ANKRD26: variants seen among roughly 807,000 people sequenced by gnomAD.
ANKRD26 encodes the protein ankyrin repeat domain-containing protein 26.
ANKRD26 carries 141 observed loss-of-function variants against 208.7 expected under a neutral mutation model. The ratio of observed to expected loss-of-function variants is 0.68; its 90% CI spans 0.59 to 0.78. ANKRD26 has a LOEUF of 0.78. ANKRD26 is among the 30% of genes least tolerant of loss of function. The probability of loss-of-function intolerance (pLI) is 0.00; values close to 1 mark genes in which losing one functional copy is unlikely to be tolerated. For missense variants in ANKRD26, 1,889 were observed against 1,938.7 expected (o/e 0.97, Z 0.48); for synonymous variants, 636 against 660.4 (o/e 0.96, Z 0.57).
At chr10:27,000,144 T>C (rs182139149), downstream of ANKRD26, among the ~76,000 whole-genome samples, 167 of 152,234 alleles carry the variant, frequency 1.1e-3, 4 homozygotes, top group East Asian at 0.027. Flanking sequence ...GATCTTACAA[T>C]TGCTTTGTGA....
At chr10:27,053,128 A>G (rs2054719001) in intron 16 of ANKRD26, among the ~76,000 whole-genome samples, 192 bp downstream of exon 16, 2 of 152,188 alleles carry the variant, frequency 1.3e-5, no homozygotes, top group South Asian at 4.1e-4. Flanking sequence ...AACAAAAACA[A>G]AAGATTAGCT....
intron 3 of ANKRD26, among the ~76,000 whole-genome samples, chr10:26,986,865 A>C (rs1276653483): frequency 1.3e-5 from 2 of 152,252 alleles, no homozygotes; most frequent in Non-Finnish European, 2.9e-5. Context: ...TGTGGAAGTC[A>C]ATGTGGCAAT....
chr10:27,041,725 T>C (rs1037057866), intron 20 of ANKRD26, among the ~76,000 whole-genome samples: 5 of 151,756 alleles, frequency 3.3e-5, no homozygotes, highest in African/African-American at 1.2e-4. Flanking sequence ...GAGACATCAA[T>C]GAACTACGGA....
chr10:26,987,347 G>A (rs551335668), downstream of ANKRD26, among the ~76,000 whole-genome samples: 5 of 152,280 alleles, frequency 3.3e-5, no homozygotes, highest in African/African-American at 1.2e-4. Context: ...CAGTTAATGG[G>A]TGCAGCACAC....
rs1396818728 is a variant in ANKRD26, at chr10:27,012,947, T to G, written c.4888A>C (p.Asn1630His). ...DLNRKLIPRE[N>H]LVISTSNPRA... ...GGATTTGAGGTAGAGATCACTAAGT[T>G]TTCTCTTGGAATAAGTTTTCTGTTG... The change falls in exon 32 of 34, where the codon AAC becomes CAC. Residue 1630 changes from asparagine (N) to histidine (H), a missense_variant. Asn to His is a moderately conservative substitution (Grantham distance 68, BLOSUM62 1). Transcript: ENST00000376087. The G allele has an allele frequency of 6.2e-7, 1 of 1,614,102 alleles. No homozygotes were observed. The highest frequency in any genetic ancestry group is 1.1e-5 in the South Asian group (1 of 91,082).
chr10:27,059,796 G>C (rs2054982964), intron 15 of ANKRD26, among the ~76,000 whole-genome samples: 1 of 151,884 alleles, frequency 6.6e-6, no homozygotes, highest in South Asian at 2.1e-4. Flanking sequence ...CGGGGAGCTT[G>C]AGGCAGGAGA....
chr10:27,007,063 A>T, intron 32 of ANKRD26, 101 bp from the exon 33 acceptor site: 1 of 774,464 alleles, frequency 1.3e-6, no homozygotes, highest in Non-Finnish European at 2.3e-6. Flanking sequence ...AATACTCTTA[A>T]AGACTACACT....
At chr10:27,024,678 TAAACCTA>T in intron 27 of ANKRD26, 119 bp from the exon 28 acceptor site, 1 of 556,634 alleles carries the variant, frequency 1.8e-6, no homozygotes, top group Non-Finnish European at 3.2e-6. Flanking sequence ...ATGCAGTTTA[TAAACCTA>T]ATGGCAATAA....
intron 6 of ANKRD26, among the ~76,000 whole-genome samples, chr10:27,082,041 C>T (rs1255664653): frequency 8.5e-6 from 1 of 117,010 alleles, no homozygotes; most frequent in Non-Finnish European, 1.7e-5. Flanking sequence ...CAGCCCTATG[C>T]AGTTATTTAA....
chr10:27,043,944 C>A (rs949813668), intron 19 of ANKRD26, among the ~76,000 whole-genome samples: 15 of 152,008 alleles, frequency 9.9e-5, no homozygotes, highest in South Asian at 6.2e-4. Context: ...GGCATGCTCA[C>A]CACGCCTGGT....
chr10:27,046,436 A>G lies in ANKRD26; in HGVS notation c.1902T>C (p.Phe634=). ...TSKESVNSPV[F]GKASLLTGGL... ...CACCAGTTAGTAAACTGGCCTTCCC[A>G]AACACTGGTGAATTCACAGATTCTT... The change falls in exon 18 of 34, where the codon TTT becomes TTC. Residue 634 remains phenylalanine, a synonymous_variant. Transcript: ENST00000376087. 6.2e-7 allele frequency: 1 copy of G among 1,614,130 alleles called. No individual in the cohort carries two copies. The highest frequency in any genetic ancestry group is 8.5e-7 in the Non-Finnish European group (1 of 1,180,012).
the ANKRD26 span, among the ~76,000 whole-genome samples, chr10:26,951,591 G>A: frequency 1.3e-5 from 2 of 152,112 alleles, no homozygotes; most frequent in Non-Finnish European, 2.9e-5. Flanking sequence ...ATACTTAATA[G>A]CTTTTAATGG....
intron 5 of ANKRD26, among the ~76,000 whole-genome samples, chr10:26,979,872 T>C (rs925782648): frequency 1.3e-5 from 2 of 152,204 alleles, no homozygotes; most frequent in Admixed American, 1.3e-4. Context: ...ATTCTGAGGC[T>C]AACAGGTTTG....
At chr10:27,025,722 T>C (rs981905216) in intron 27 of ANKRD26, among the ~76,000 whole-genome samples, 1 of 152,192 alleles carries the variant, frequency 6.6e-6, no homozygotes, top group Admixed American at 6.5e-5. Context: ...TGCTGAGTCC[T>C]GTCCCCTTCC....
intron 6 of ANKRD26, 123 bp from the exon 7 acceptor site, chr10:27,079,284 C>T: frequency 1.4e-6 from 1 of 739,992 alleles, no homozygotes; most frequent in Non-Finnish European, 2.4e-6. Flanking sequence ...GAAAGGTCAA[C>T]TGTCTGCATA....
At chr10:27,028,808 T>G in intron 27 of ANKRD26, 44 bp downstream of exon 27, 1 of 1,486,674 alleles carries the variant, frequency 6.7e-7, no homozygotes, top group Non-Finnish European at 9.4e-7. Context: ...ACTAAAGCAA[T>G]AAAATTCCTT....
chr10:27,082,074 AGGGAGAGAGAG>A (rs1564424210), intron 6 of ANKRD26, among the ~76,000 whole-genome samples: 5 of 38,704 alleles, frequency 1.3e-4, no homozygotes, highest in East Asian at 4.1e-4. Context: ...AAAAAAAAAA[AGGGAGAGAGAG>A]AAACAAAATC....
At chr10:26,999,175 G>A (rs900475936), downstream of ANKRD26, among the ~76,000 whole-genome samples, 1 of 152,158 alleles carries the variant, frequency 6.6e-6, no homozygotes, top group Non-Finnish European at 1.5e-5. Context: ...TAGTTCACAG[G>A]TGCACTAATA....
At position 27,017,763 on chromosome 10, in the gene ANKRD26, A is replaced by G. The variant is rs1426645762; in HGVS notation, c.4245T>C (p.Thr1415=). The change falls in exon 30 of 34, where the codon ACT becomes ACC. Residue 1415 remains threonine (T), a synonymous_variant. Coordinates refer to ENST00000376087, the MANE Select transcript of ANKRD26 (RefSeq NM_014915.3). ...CCAGATGTAGACATTTTGAACCTGC[A>G]GTCTCCAGTTCTGCTGTAAGATCAT... ...KIDDLTAELE[T]AGSKCLHLDT... 3 of 1,613,050 alleles carry G rather than the reference A, an allele frequency of 1.9e-6. No individual in the cohort carries two copies. In the East Asian group the frequency reaches 6.7e-5, roughly 36 times the overall value.
Sources: allele counts gnomAD v4.1 joint callset (sites outside exome capture counted in the v4.1 genomes callset), GRCh38; gene constraint gnomAD v4.1.1; transcripts MANE v1.5; gene names NCBI Gene and HGNC (gene_info 2026-07-23, HGNC 2026-07-21).